The following KCTD9 variants were observed in gnomAD, a reference collection of about 807,000 sequenced individuals.
The protein encoded by KCTD9 is BTB/POZ domain-containing protein KCTD9.
In KCTD9, 17 loss-of-function variants were observed where a neutral mutation model predicts 53.3. That is an observed-to-expected ratio of 0.32 (90% CI 0.22 to 0.48). KCTD9 has a LOEUF of 0.48. KCTD9 is among the 20% of genes least tolerant of loss of function. The pLI is 0.99. For synonymous variants in KCTD9, 128 were observed against 162.7 expected, an observed-to-expected ratio of 0.79 and a Z score of 1.62; for missense variants, 179 against 465.5, an observed-to-expected ratio of 0.38 and a Z score of 5.66.
intron 5 of KCTD9, 78 bp downstream of exon 5, chr8:25,439,528 C>T: frequency 6.3e-7 from 1 of 1,580,268 alleles, no homozygotes; most frequent in Non-Finnish European, 8.7e-7. Flanking sequence ...TTAGTAAGTA[C>T]AGAAGGTCAG....
At chr8:25,435,591 A>G in intron 8 of KCTD9, 79 bp from the exon 9 acceptor site, 1 of 1,349,908 alleles carries the variant, frequency 7.4e-7, no homozygotes, top group Non-Finnish European at 1.0e-6. Flanking sequence ...GCTAACCACC[A>G]AGTTTTTTTT....
At chr8:25,453,427 T>A (rs1183830561) in intron 1 of KCTD9, among the ~76,000 whole-genome samples, 1 of 151,274 alleles carries the variant, frequency 6.6e-6, no homozygotes, top group Non-Finnish European at 1.5e-5. Context: ...AGGCTGAGGC[T>A]GGCGGATCAC....
intron 3 of KCTD9, among the ~76,000 whole-genome samples, chr8:25,442,168 A>C (rs1802134682): frequency 6.6e-6 from 1 of 152,208 alleles, no homozygotes. Context: ...AAATTTTAAA[A>C]TACATACACT....
chr8:25,449,607 T>C (rs999765995), intron 1 of KCTD9, among the ~76,000 whole-genome samples: 3 of 152,204 alleles, frequency 2.0e-5, no homozygotes, highest in Non-Finnish European at 2.9e-5. Flanking sequence ...CCACCTGCCA[T>C]GTTTTAAAGC....
chr8:25,446,123 G>C lies in KCTD9; in HGVS notation c.170+6C>G. ...TGTTGACAGCTTATAAAAAGGTGAA[G>C]GTTACCTGATCAAAGCAATATCATC... On this transcript the variant is annotated splice_donor_region_variant and intron_variant, in intron 2 of 11. Coordinates refer to ENST00000221200, the MANE Select transcript of KCTD9 (RefSeq NM_017634.4). 6.2e-7 allele frequency: 1 copy of C among 1,612,926 alleles called. No individual in the cohort carries two copies. Among genetic ancestry groups the C allele is most frequent in the Non-Finnish European group, 8.5e-7 (1 of 1,179,516 alleles).
chr8:25,446,101 T>C, intron 2 of KCTD9, 28 bp downstream of exon 2: 1 of 1,609,956 alleles, frequency 6.2e-7, no homozygotes, highest in Non-Finnish European at 8.5e-7. Flanking sequence ...GGCACACTGT[T>C]GACAGCTTAT....
At chr8:25,449,994 T>C (rs1320856828) in intron 1 of KCTD9, among the ~76,000 whole-genome samples, 1 of 152,198 alleles carries the variant, frequency 6.6e-6, no homozygotes, top group East Asian at 1.9e-4. Context: ...AAGTCAAATG[T>C]GACCAGATGA....
chr8:25,433,436 C>T lies in KCTD9; in HGVS notation c.814-1G>A. 1 of 1,574,014 alleles carries T rather than the reference C, an allele frequency of 6.4e-7. No individual in the cohort carries two copies. The highest frequency in any genetic ancestry group is 8.7e-7 in the Non-Finnish European group (1 of 1,153,026). On this transcript the variant is annotated splice_acceptor_variant, in intron 9 of 11. Coordinates refer to ENST00000221200, the MANE Select transcript of KCTD9 (RefSeq NM_017634.4). LOFTEE classifies it high-confidence loss of function. ...TCTTGACTCCCTGGAGATTCGCACACTGCAAAGAAAAGAGAAAAGTCCTGG... is the reference window on the plus strand; with the variant it reads ...TCTTGACTCCCTGGAGATTCGCACATTGCAAAGAAAAGAGAAAAGTCCTGG...
At chr8:25,451,910 A>G (rs993529050) in intron 1 of KCTD9, among the ~76,000 whole-genome samples, 1 of 152,214 alleles carries the variant, frequency 6.6e-6, no homozygotes, top group African/African-American at 2.4e-5. Context: ...CAATCCTAAT[A>G]AAGTATCAAA....
chr8:25,442,133 T>C (rs1042371619), intron 3 of KCTD9, among the ~76,000 whole-genome samples: 7 of 152,224 alleles, frequency 4.6e-5, no homozygotes, highest in African/African-American at 1.7e-4. Flanking sequence ...AAAATAAAAA[T>C]GTCAACTTCA....
At chr8:25,432,457 TAGTA>T in intron 11 of KCTD9, 43 bp downstream of exon 11, 1 of 1,531,350 alleles carries the variant, frequency 6.5e-7, no homozygotes, top group Non-Finnish European at 8.9e-7. Context: ...ATGAGATGCT[TAGTA>T]AGTCTAGAGT....
In KCTD9 at chr8:25,446,164, C is replaced by T. The variant is rs1032138673; in HGVS notation, c.135G>A (p.Gly45=). 29 of 1,613,842 alleles carry T rather than the reference C, an allele frequency of 1.8e-5. No individual in the cohort carries two copies. Among genetic ancestry groups the T allele is most frequent in the Non-Finnish European group, 2.3e-5 (27 of 1,179,918 alleles). ...LGIKATSVYN[G]KGGLIDDIAL... ...CAATATCATCAATCAGTCCACCTTT[C>T]CCATTATACACACTGGTGGCTTTTA... The change falls in exon 2 of 12, where the codon GGG becomes GGA. Residue 45 remains glycine (G), a synonymous_variant. Coordinates refer to ENST00000221200, the MANE Select transcript of KCTD9 (RefSeq NM_017634.4).
At chr8:25,433,498 C>G in intron 9 of KCTD9, 63 bp from the exon 10 acceptor site, 1 of 783,872 alleles carries the variant, frequency 1.3e-6, no homozygotes, top group Non-Finnish European at 2.0e-6. Flanking sequence ...TTAGCTCAAA[C>G]AGTAAAAGAA....
At chr8:25,444,865 T>A (rs1802188415) in intron 2 of KCTD9, among the ~76,000 whole-genome samples, 1 of 152,134 alleles carries the variant, frequency 6.6e-6, no homozygotes, top group African/African-American at 2.4e-5. Flanking sequence ...TCAGTGCACA[T>A]CCTCTTCCTC....
chr8:25,456,170 G>C (rs1802430422), intron 1 of KCTD9, among the ~76,000 whole-genome samples: 1 of 152,224 alleles, frequency 6.6e-6, no homozygotes, highest in South Asian at 2.1e-4. Flanking sequence ...CAAGCTATGA[G>C]AGGGAAACTT....
chr8:25,435,586 C>G, intron 8 of KCTD9, 74 bp from the exon 9 acceptor site: 1 of 1,379,602 alleles, frequency 7.2e-7, no homozygotes, highest in Non-Finnish European at 9.7e-7. Flanking sequence ...CTATAGCTAA[C>G]CACCAAGTTT....
chr8:25,442,975 T>C (rs1389429587), intron 3 of KCTD9, among the ~76,000 whole-genome samples: 3 of 152,106 alleles, frequency 2.0e-5, no homozygotes, highest in African/African-American at 7.2e-5. Flanking sequence ...GAGACACAGA[T>C]GTAAGACAGA....
chr8:25,445,008 A>G (rs1043047663), intron 2 of KCTD9, among the ~76,000 whole-genome samples: 2 of 152,154 alleles, frequency 1.3e-5, no homozygotes, highest in Non-Finnish European at 2.9e-5. Flanking sequence ...GACACGTTAA[A>G]TTTTTCTAAG....
At chr8:25,435,632 T>C (rs1004848503) in intron 8 of KCTD9, 120 bp from the exon 9 acceptor site, 4 of 736,094 alleles carry the variant, frequency 5.4e-6, no homozygotes, top group Non-Finnish European at 8.6e-6. Flanking sequence ...TCACTTGGAG[T>C]TTATTACAGA....
Sources: allele counts gnomAD v4.1 joint callset (sites outside exome capture counted in the v4.1 genomes callset), GRCh38; gene constraint gnomAD v4.1.1; transcripts MANE v1.5; gene names NCBI Gene and HGNC (gene_info 2026-07-23, HGNC 2026-07-21).